The following SCNN1A variants were observed in gnomAD, a reference collection of about 807,000 sequenced individuals.
The protein encoded by SCNN1A is sodium channel epithelial 1 subunit alpha.
Under a neutral mutation model 68.6 loss-of-function variants are expected in SCNN1A, and 65 were observed. The ratio of observed to expected loss-of-function variants is 0.95; its 90% CI spans 0.78 to 1.16. The LOEUF is 1.16. SCNN1A is among the 50% of genes most tolerant of loss of function. The pLI is 0.00. For missense variants in SCNN1A, 880 were observed against 865.9 expected, an observed-to-expected ratio of 1.02 and a Z score of -0.20; for synonymous variants, 357 against 353.3, an observed-to-expected ratio of 1.01 and a Z score of -0.12.
chr12:6,354,650 T>C (rs1948462913), intron 7 of SCNN1A, 95 bp from the exon 8 acceptor site: 1 of 1,417,190 alleles, frequency 7.1e-7, no homozygotes, highest in Non-Finnish European at 1.0e-6. Context: ...CACCCCCCAG[T>C]TTCCCTCTCT....
chr12:6,350,211 T>C (rs1205151291), intron 8 of SCNN1A, among the ~76,000 whole-genome samples: 1 of 147,994 alleles, frequency 6.8e-6, no homozygotes, highest in Non-Finnish European at 1.5e-5. Context: ...GGCGGGTGGA[T>C]CACGAGGTCA....
chr12:6,377,358 T>C (rs72645155), upstream of SCNN1A: 6,408 of 1,175,254 alleles, frequency 5.5e-3, 239 homozygotes, highest in African/African-American at 0.087. Context: ...TTTTCTGAGG[T>C]TAGAAAACAA....
intron 8 of SCNN1A, 153 bp downstream of exon 8, chr12:6,354,285 A>G: frequency 1.5e-6 from 1 of 688,350 alleles, no homozygotes; most frequent in Non-Finnish European, 2.6e-6. Context: ...TGACAGAGGC[A>G]GAGACTAAAG....
rs2228576 is a variant in SCNN1A at position 6,347,896 on chromosome 12, T to C, written c.1987A>G (p.Thr663Ala). ...PGGSAGASSS[T>A]CPLGGP The stretch of plus-strand genomic sequence containing the variant: ...TCTCAGGGCCCCCCCAGAGGACAGG[T>C]GGAGGAACTGGCCCCTGCAGAGCCC... The change falls in exon 13 of 13, where the codon ACC becomes GCC. Residue 663 changes from threonine (T) to alanine (A), a missense_variant. This residue lies in a region of SCNN1A where 758 missense variants were observed against 721.8 expected (regional missense o/e 1.05). Transcript: ENST00000228916. The C allele has an allele frequency of 0.68, 1,087,390 of 1,596,108 alleles. 374,537 individuals carry two copies. The highest frequency in any genetic ancestry group is 0.91 in the African/African-American group (68,039 of 74,764).
chr12:6,377,295 A>G (rs72645154), upstream of SCNN1A: 117 of 1,546,180 alleles, frequency 7.6e-5, 1 homozygote, highest in African/African-American at 1.4e-3. Context: ...GGACAGCTGG[A>G]TTTTTCTTCA....
rs889570109 is a variant in SCNN1A, at chr12:6,375,505, C to G, written c.-55G>C. The G allele has an allele frequency of 3.3e-6, 5 of 1,535,518 alleles. No individual in the cohort carries two copies. Among genetic ancestry groups the G allele is most frequent in the Non-Finnish European group, 3.5e-6 (4 of 1,146,882 alleles). ...CAGCCAAACCTCTCCTCCCCCTCAC[C>G]TGACAGGTGCAGCGGCCTGGCTGGG... On this transcript the variant is annotated splice_region_variant and 5_prime_UTR_variant, in exon 1 of 13. Transcript: ENST00000228916.
At chr12:6,363,328 C>T (rs1948613100) in intron 3 of SCNN1A, 115 bp downstream of exon 3, 1 of 828,774 alleles carries the variant, frequency 1.2e-6, no homozygotes, top group Non-Finnish European at 1.7e-6. Flanking sequence ...CCACGAGGCC[C>T]CGCGTGGTGT....
intron 2 of SCNN1A, among the ~76,000 whole-genome samples, chr12:6,367,836 G>A (rs1299760705): frequency 2.0e-5 from 3 of 152,200 alleles, no homozygotes; most frequent in African/African-American, 7.2e-5. Context: ...GAGCCCCCAC[G>A]TGGTCCTAAC....
Position 6,363,497 on chromosome 12 carries a change from C to T in SCNN1A, c.630G>A (p.Leu210=). ...ARRARSVASS[L]RDNNPQVDWK... The stretch of plus-strand genomic sequence containing the variant: ...AGTCCACCTGGGGGTTGTTGTCCCG[C>T]AAGCTGGAGGCCACGCTACGGGCTC... Residue 210 remains leucine, a synonymous_variant, in exon 3 of 13, where the codon TTG becomes TTA. Coordinates refer to ENST00000228916, the MANE Select transcript of SCNN1A (RefSeq NM_001038.6). 6.2e-7 allele frequency: 1 copy of T among 1,607,960 alleles called. No individual in the cohort carries two copies. Among genetic ancestry groups the T allele is most frequent in the Non-Finnish European group, 8.5e-7 (1 of 1,177,324 alleles).
At position 6,347,216 on chromosome 12, in the gene SCNN1A, T is replaced by TATG. The variant is rs1349887854; in HGVS notation, c.*654_*656dup. 6.5e-6 allele frequency: 1 copy of TATG among 153,292 alleles called. No individual in the cohort carries two copies. The highest frequency in any genetic ancestry group is 1.4e-5 in the Non-Finnish European group (1 of 68,978). The allele number at this position is 153,292 out of a possible 1,614,324, so 9.5% of individuals were successfully genotyped here. ...AATATCTCAAGCAGACATGTAGAGG[T>TATG]ATGAAAGACACAGGGCAGAGGTGCC... On this transcript the variant is annotated 3_prime_UTR_variant, in exon 13 of 13. Coordinates refer to ENST00000228916, the MANE Select transcript of SCNN1A (RefSeq NM_001038.6).
At chr12:6,367,812 A>G (rs2136896301) in intron 2 of SCNN1A, among the ~76,000 whole-genome samples, 1 of 152,362 alleles carries the variant, frequency 6.6e-6, no homozygotes. Flanking sequence ...GAGCCAGAAC[A>G]AGGTTGTTTG....
chr12:6,374,566 C>T lies in SCNN1A; in HGVS notation c.218G>A (p.Arg73His). 5.0e-6 allele frequency: 8 copies of T among 1,614,076 alleles called. No homozygotes were observed. Among genetic ancestry groups the T allele is most frequent in the Non-Finnish European group, 5.9e-6 (7 of 1,180,028 alleles). The change falls in exon 2 of 13, where the codon CGC becomes CAC. Residue 73 changes from arginine to histidine, a missense_variant. Arg to His is a conservative substitution (Grantham distance 29). Coordinates refer to ENST00000228916, the MANE Select transcript of SCNN1A (RefSeq NM_001038.6). This position sits in a 1 kb window ranked among gnomAD's most constrained non-coding sequence, Gnocchi z 6.2. ...GCGGTTGTGCTGGGAGCACACCAGG[C>T]GGATGGCGCCGTGGATGGTGGTGTT... ...CNNTTIHGAI[R>H]LVCSQHNRMK...
intron 8 of SCNN1A, 149 bp downstream of exon 8, chr12:6,354,289 A>C (rs1410180561): frequency 5.7e-6 from 4 of 702,200 alleles, no homozygotes; most frequent in South Asian, 1.5e-5. Flanking sequence ...AGAGGCAGAG[A>C]CTAAAGGCTG....
In SCNN1A at chr12:6,374,634, C is replaced by G. The variant is rs1041436086; in HGVS notation, c.150G>C (p.Glu50Asp). The G allele has an allele frequency of 1.2e-6, 2 of 1,613,502 alleles. No individual in the cohort carries two copies. Among genetic ancestry groups the G allele is most frequent in the Non-Finnish European group, 1.7e-6 (2 of 1,179,648 alleles). The change falls in exon 2 of 13, where the codon GAG becomes GAC. Residue 50 changes from glutamate to aspartate, a missense_variant. This residue lies in a region of SCNN1A where 77 missense variants were observed against 67.4 expected (regional missense o/e 1.14). Transcript: ENST00000228916. This position sits in a 1 kb window ranked among gnomAD's most constrained non-coding sequence, Gnocchi z 6.2. ...AGAGCTCTCGGTAGGAGCGGTGGAACTCGATCAGGGCCTCCTCCTCCGCCG... is the reference window on the plus strand; with the variant it reads ...AGAGCTCTCGGTAGGAGCGGTGGAAGTCGATCAGGGCCTCCTCCTCCGCCG... ...QPTAEEEALI[E>D]FHRSYRELFE...
rs752128530 is a variant in SCNN1A, at chr12:6,349,429, T to C, written c.1361-24A>G. On this transcript the variant is annotated intron_variant, in intron 8 of 12. Transcript: ENST00000228916. ...CCCTGTGGGTACAGAGAGATGCCTG[T>C]TCTCCTAGGGCACCTCAGCTTTCTC... is the stretch of plus-strand genomic sequence containing the variant. The C allele has an allele frequency of 1.2e-5, 18 of 1,534,706 alleles. No individual in the cohort carries two copies. In the South Asian group the frequency reaches 2.1e-4, roughly 18 times the overall value.
Position 6,374,516 on chromosome 12 carries a change from G to A in SCNN1A, c.268C>T (p.Leu90=), listed in dbSNP as rs1347331757. The change falls in exon 2 of 13, where the codon CTG becomes TTG. Residue 90 remains leucine, a synonymous_variant. Coordinates refer to ENST00000228916, the MANE Select transcript of SCNN1A (RefSeq NM_001038.6). This position sits in a 1 kb window ranked among gnomAD's most constrained non-coding sequence, Gnocchi z 6.2. ...ATCATGCCAAAGGTGCAGAGCCACAGCACTGCCCAGAAGGCCGTCTTCATG... is the reference window on the plus strand; with the variant it reads ...ATCATGCCAAAGGTGCAGAGCCACAACACTGCCCAGAAGGCCGTCTTCATG... The part of the protein sequence containing the change: ...NRMKTAFWAV[L]WLCTFGMMYW... The A allele has an allele frequency of 1.2e-6, 2 of 1,614,230 alleles. No homozygotes were observed. Among genetic ancestry groups the A allele is most frequent in the Non-Finnish European group, 8.5e-7 (1 of 1,180,026 alleles).
rs1948877293 is a variant in SCNN1A, at chr12:6,374,995, C to T, written c.-54-158G>A. On this transcript the variant is annotated intron_variant, in intron 1 of 12. Transcript: ENST00000228916. The surrounding 1 kb of genome is among the most constrained non-coding windows in gnomAD (Gnocchi z 6.2). ...TGCGCCCACATTCTCCCACTCCTCC[C>T]TCCCTCCTCCACCTTTCCTGGAGCC... The T allele has an allele frequency of 1.3e-6, 2 of 1,550,340 alleles. No individual in the cohort carries two copies. Among genetic ancestry groups the T allele is most frequent in the Non-Finnish European group, 8.7e-7 (1 of 1,147,792 alleles).
rs1565476539 is a variant in SCNN1A at position 6,351,166 on chromosome 12, G to T, written c.1361-1761C>A. Among the ~76,000 whole-genome samples, 1 of 152,116 alleles carries T rather than the reference G, an allele frequency of 6.6e-6. No homozygotes were observed. The highest frequency in any genetic ancestry group is 1.5e-5 in the Non-Finnish European group (1 of 68,028). ...ACAAATGTCCACTAACTGATAAATGGGTAAACAAAGTGTGGTCTATCCATA... is the reference window on the plus strand; with the variant it reads ...ACAAATGTCCACTAACTGATAAATGTGTAAACAAAGTGTGGTCTATCCATA... On this transcript the variant is annotated intron_variant, in intron 8 of 12. Transcript: ENST00000228916. The surrounding 1 kb of genome is among the most constrained non-coding windows in gnomAD (Gnocchi z 4.2).
Position 6,348,242 on chromosome 12 carries a change from G to C in SCNN1A, c.1641C>G (p.Leu547=). 1.9e-6 allele frequency: 3 copies of C among 1,614,026 alleles called. No homozygotes were observed. Among genetic ancestry groups the C allele is most frequent in the Non-Finnish European group, 2.5e-6 (3 of 1,179,986 alleles). ...TCCACTGGCTGCCCAGGTTGGACAG[G>C]AGGGTGACCATCTGTGAGAGGAGAG... ...SESPSVTMVT[L]LSNLGSQWSL... The change falls in exon 13 of 13, where the codon CTC becomes CTG. Residue 547 remains leucine, a synonymous_variant. Transcript: ENST00000228916.
Sources: gnomAD v4.1 joint callset for allele counts (sites outside exome capture counted in the v4.1 genomes callset) on GRCh38, gnomAD v4.1.1 for gene constraint, gnomAD v4.1.1 regional missense constraint, Gnocchi (gnomAD v3.1) non-coding constraint, MANE v1.5 for transcripts, NCBI Gene and HGNC (gene_info 2026-07-23, HGNC 2026-07-21) for gene names.